The following CACNA1D variants were observed in gnomAD, a reference collection of about 807,000 sequenced individuals.
CACNA1D encodes calcium voltage-gated channel subunit alpha1 D.
In CACNA1D, 55 loss-of-function variants were observed where a neutral mutation model predicts 257.1. That is an observed-to-expected ratio of 0.21 (90% CI 0.17 to 0.27). The LOEUF (loss-of-function observed/expected upper bound fraction) is 0.27, where lower values mean the gene tolerates loss of function less well. Ranked by LOEUF, CACNA1D falls within the 10% of genes least tolerant of loss-of-function variation. The probability of loss-of-function intolerance (pLI) is 1.00; values close to 1 mark genes in which losing one functional copy is unlikely to be tolerated. For missense variants in CACNA1D, 1,876 were observed against 2,784.0 expected (o/e 0.67, Z 7.34); for synonymous variants, 980 against 1,014.9 (o/e 0.97, Z 0.65).
chr3:53,658,333 T>C (rs1379161579), intron 4 of CACNA1D, among the ~76,000 whole-genome samples: 7 of 152,214 alleles, frequency 4.6e-5, no homozygotes, highest in East Asian at 1.9e-4. Flanking sequence ...AGAGGGACTT[T>C]CCTAATATCT....
intron 8 of CACNA1D, among the ~76,000 whole-genome samples, chr3:53,692,796 G>A (rs78949797): frequency 0.061 from 9,290 of 152,214 alleles, 925 homozygotes; most frequent in African/African-American, 0.21. Context: ...AGTGGCTCAC[G>A]CCTGTTTTCC....
chr3:53,701,631 C>A (rs1445003020), intron 8 of CACNA1D, among the ~76,000 whole-genome samples: 1 of 152,246 alleles, frequency 6.6e-6, no homozygotes, highest in Non-Finnish European at 1.5e-5. Flanking sequence ...TGTAACCTCA[C>A]CTGCTTCCTT....
chr3:53,616,088 A>G (rs966782464), intron 3 of CACNA1D, among the ~76,000 whole-genome samples: 1 of 152,066 alleles, frequency 6.6e-6, no homozygotes, highest in African/African-American at 2.4e-5. Flanking sequence ...TCCCCTTCTA[A>G]AGCATTCTTG....
Position 53,722,524 on chromosome 3 carries a change from G to A in CACNA1D, c.1666+50G>A, listed in dbSNP as rs767770523. 12 of 1,571,092 alleles carry A rather than the reference G, an allele frequency of 7.6e-6. No homozygotes were observed. The South Asian group carries it at 1.3e-4, about 17-fold the overall frequency. ...TTGTTCTGAACTAGAGATTTCTGTGGCTGTCCAACTGCCATTTGGTCTTAT... is the reference window on the plus strand; with the variant it reads ...TTGTTCTGAACTAGAGATTTCTGTGACTGTCCAACTGCCATTTGGTCTTAT... On this transcript the variant is annotated intron_variant, in intron 12 of 47. Coordinates refer to ENST00000350061, the MANE Select transcript of CACNA1D (RefSeq NM_001128840.3).
rs115939589 is a variant in CACNA1D at position 53,580,323 on chromosome 3, G to A, written c.484-70456G>A. Reference sequence around the variant, plus strand: ...GAGATTTGATTTCATCTGGATGCTCGTGTTCCACTGACAGTGAGTACTGCT... The same window carrying A: ...GAGATTTGATTTCATCTGGATGCTCATGTTCCACTGACAGTGAGTACTGCT... On this transcript the variant is annotated intron_variant, in intron 3 of 47. Coordinates refer to ENST00000350061, the MANE Select transcript of CACNA1D (RefSeq NM_001128840.3). Among the ~76,000 whole-genome samples, 628 of 152,352 alleles carry A rather than the reference G, an allele frequency of 4.1e-3. 5 individuals carry two copies. The highest frequency in any genetic ancestry group is 0.014 in the African/African-American group (592 of 41,586).
At chr3:53,560,787 A>G (rs958080427) in intron 3 of CACNA1D, among the ~76,000 whole-genome samples, 17 of 152,246 alleles carry the variant, frequency 1.1e-4, no homozygotes, top group African/African-American at 3.9e-4. Flanking sequence ...TTTAGTAGGT[A>G]GTGGGCCAGA....
chr3:53,639,841 A>G (rs550795844), intron 3 of CACNA1D, among the ~76,000 whole-genome samples: 51 of 150,600 alleles, frequency 3.4e-4, no homozygotes, highest in African/African-American at 1.2e-3. Context: ...CCATTTTGAA[A>G]TGTTCACTCA....
At chr3:53,575,227 C>T (rs1368235223) in intron 3 of CACNA1D, among the ~76,000 whole-genome samples, 2 of 152,092 alleles carry the variant, frequency 1.3e-5, no homozygotes, top group Non-Finnish European at 2.9e-5. Flanking sequence ...CAGGAAGCTG[C>T]GGGAGCTTGG....
chr3:53,568,666 T>C (rs1186788651), intron 3 of CACNA1D, among the ~76,000 whole-genome samples: 1 of 152,218 alleles, frequency 6.6e-6, no homozygotes, highest in Non-Finnish European at 1.5e-5. Flanking sequence ...CTGTCAGCTT[T>C]TTCTTCTAGA....
intron 4 of CACNA1D, among the ~76,000 whole-genome samples, chr3:53,652,537 A>G (rs570071546): frequency 6.6e-6 from 1 of 152,356 alleles, no homozygotes; most frequent in South Asian, 2.1e-4. Flanking sequence ...GAAAAGAGAA[A>G]GATCAGGGAG....
chr3:53,622,953 G>C (rs531531178), intron 3 of CACNA1D, among the ~76,000 whole-genome samples: 2 of 151,270 alleles, frequency 1.3e-5, no homozygotes, highest in African/African-American at 4.9e-5. Flanking sequence ...GCAATGGCTC[G>C]ATCTCCGCTC....
At chr3:53,727,661 A>G (rs911078667) in intron 15 of CACNA1D, among the ~76,000 whole-genome samples, 2 of 151,752 alleles carry the variant, frequency 1.3e-5, no homozygotes, top group African/African-American at 4.8e-5. Flanking sequence ...TCGGTGTTTT[A>G]TCTCCAGGTC....
At chr3:53,687,046 A>G (rs1303087984) in intron 8 of CACNA1D, among the ~76,000 whole-genome samples, 2 of 152,038 alleles carry the variant, frequency 1.3e-5, no homozygotes, top group Non-Finnish European at 2.9e-5. Context: ...ATTATTTACA[A>G]TAGCATTCCT....
Position 53,673,857 on chromosome 3 carries a change from C to A in CACNA1D, c.1220+731C>A. On this transcript the variant is annotated intron_variant, in intron 8 of 47. Coordinates refer to ENST00000350061, the MANE Select transcript of CACNA1D (RefSeq NM_001128840.3). This position sits in a 1 kb window ranked among gnomAD's most constrained non-coding sequence, Gnocchi z 4.1. ...CGTGTTGCACCTTCTCCTGCTGCCA[C>A]GTGTGAGGCAACTCTGCGTGTCTCC... 1.6e-6 allele frequency: 2 copies of A among 1,279,500 alleles called. No individual in the cohort carries two copies. The highest frequency in any genetic ancestry group is 1.2e-5 in the South Asian group (1 of 84,336). 79.3% of individuals were successfully genotyped at this position (1,279,500 alleles called of 1,614,324 possible). A position where few individuals can be genotyped will look rare whatever the true frequency, so the allele number is the denominator to read the frequency against.
intron 8 of CACNA1D, among the ~76,000 whole-genome samples, chr3:53,689,954 C>T (rs1360942181): frequency 6.6e-6 from 1 of 152,154 alleles, no homozygotes; most frequent in Non-Finnish European, 1.5e-5. Flanking sequence ...GCCACTGCAC[C>T]CGGCTAGATT....
chr3:53,585,516 C>T (rs1041533668), intron 3 of CACNA1D, among the ~76,000 whole-genome samples: 1 of 152,164 alleles, frequency 6.6e-6, no homozygotes, highest in East Asian at 1.9e-4. Context: ...GACCTATTTT[C>T]ATTACAGCAT....
At chr3:53,655,667 T>C (rs914547728) in intron 4 of CACNA1D, among the ~76,000 whole-genome samples, 1 of 152,228 alleles carries the variant, frequency 6.6e-6, no homozygotes, top group East Asian at 1.9e-4. Flanking sequence ...TTTTCTTTTT[T>C]TCTTGAGAAG....
At chr3:53,646,466 C>G (rs2094022074) in intron 3 of CACNA1D, among the ~76,000 whole-genome samples, 1 of 152,202 alleles carries the variant, frequency 6.6e-6, no homozygotes, top group African/African-American at 2.4e-5. Context: ...AGATCTATAG[C>G]TTTATTCCTT....
chr3:53,518,551 C>T (rs2091433744), intron 3 of CACNA1D, among the ~76,000 whole-genome samples: 1 of 152,122 alleles, frequency 6.6e-6, no homozygotes, highest in African/African-American at 2.4e-5. Flanking sequence ...ACACATAGGG[C>T]TCCCATCAAA....
Sources: allele counts gnomAD v4.1 joint callset (sites outside exome capture counted in the v4.1 genomes callset), GRCh38; gene constraint gnomAD v4.1.1; non-coding constraint Gnocchi (gnomAD v3.1); transcripts MANE v1.5; gene names NCBI Gene and HGNC (gene_info 2026-07-23, HGNC 2026-07-21).